CPNE9: variants seen among roughly 807,000 people sequenced by gnomAD.
The protein encoded by CPNE9 is copine-9.
A neutral mutation model predicts 83.0 loss-of-function variants in CPNE9; 59 were observed. The ratio of observed to expected loss-of-function variants is 0.71; its 90% confidence interval spans 0.58 to 0.88. The LOEUF is 0.88. Ranked by LOEUF, CPNE9 falls within the 40% of genes least tolerant of loss-of-function variation. The pLI is 0.00. For missense variants in CPNE9, 619 were observed against 720.8 expected, an observed-to-expected ratio of 0.86 and a Z score of 1.62; for synonymous variants, 256 against 273.4, an observed-to-expected ratio of 0.94 and a Z score of 0.63.
Position 9,712,428 on chromosome 3 carries a change from G to A in CPNE9, c.378-113G>A, listed in dbSNP as rs1229009810. 3 of 836,352 alleles carry A rather than the reference G, an allele frequency of 3.6e-6. No individual in the cohort carries two copies. In the East Asian group the frequency reaches 7.3e-5, roughly 20 times the overall value. 51.8% of individuals were successfully genotyped at this position (836,352 alleles called of 1,614,324 possible). A position where few individuals can be genotyped will look rare whatever the true frequency, so the allele number is the denominator to read the frequency against. On this transcript the variant is annotated intron_variant, in intron 7 of 20. Transcript: ENST00000383832. Reference sequence around the variant, plus strand: ...ACCAGAAGGCACTCAAGACACAAGGGACTGTCAGTAAATGGCAAACTGAAT... The same window carrying A: ...ACCAGAAGGCACTCAAGACACAAGGAACTGTCAGTAAATGGCAAACTGAAT...
Position 9,711,964 on chromosome 3 carries a change from C to T in CPNE9, c.378-577C>T, listed in dbSNP as rs149957823. Reference sequence around the variant, plus strand: ...TTCAGTATCACTACAATCCACTCTACTTACCTATTGGCATTGACATTCCAC... The same window carrying T: ...TTCAGTATCACTACAATCCACTCTATTTACCTATTGGCATTGACATTCCAC... On this transcript the variant is annotated intron_variant, in intron 7 of 20. Coordinates refer to ENST00000383832, the MANE Select transcript of CPNE9 (RefSeq NM_153635.3). Among the ~76,000 whole-genome samples the T allele has an allele frequency of 1.7e-3, 263 of 152,308 alleles. 2 individuals are homozygous for T. Among genetic ancestry groups the T allele is most frequent in the African/African-American group, 6.1e-3 (255 of 41,562 alleles).
At chr3:9,705,373 C>T (rs1255425566) in intron 4 of CPNE9, 91 bp from the exon 5 acceptor site, 1 of 1,043,328 alleles carries the variant, frequency 9.6e-7, no homozygotes, top group African/African-American at 1.6e-5. Context: ...CATCCCTCCA[C>T]CCAAAATTTT....
At chr3:9,709,989 CAAA>C (rs542047036) in intron 7 of CPNE9, among the ~76,000 whole-genome samples, 2 of 57,266 alleles carry the variant, frequency 3.5e-5, no homozygotes, top group Non-Finnish European at 3.5e-5. Context: ...GACTCCATCT[CAAA>C]AAAAAAAAAA....
intron 10 of CPNE9, among the ~76,000 whole-genome samples, chr3:9,714,539 A>G (rs2076660167): frequency 6.6e-6 from 1 of 151,688 alleles, no homozygotes; most frequent in Non-Finnish European, 1.5e-5. Context: ...CAAAATAATA[A>G]TAATAGTAAT....
chr3:9,728,077 G>A (rs2076799664), intron 20 of CPNE9, among the ~76,000 whole-genome samples: 1 of 152,236 alleles, frequency 6.6e-6, no homozygotes, highest in East Asian at 1.9e-4. Flanking sequence ...TAGAGGAGGA[G>A]ATTTGGCAGA....
At chr3:9,726,812 C>T (rs2076788875) in intron 19 of CPNE9, 90 bp downstream of exon 19, 1 of 1,176,006 alleles carries the variant, frequency 8.5e-7, no homozygotes, top group African/African-American at 1.5e-5. Flanking sequence ...TCACAGATGA[C>T]ACAAGGTAGA....
intron 19 of CPNE9, 104 bp from the exon 20 acceptor site, chr3:9,727,009 A>G (rs2076790508): frequency 1.7e-6 from 2 of 1,169,610 alleles, no homozygotes; most frequent in African/African-American, 1.5e-5. Flanking sequence ...GATCACAAGC[A>G]TTAGGCATTC....
At chr3:9,715,408 C>T in intron 12 of CPNE9, 44 bp downstream of exon 12, 2 of 1,611,988 alleles carry the variant, frequency 1.2e-6, no homozygotes, top group South Asian at 1.1e-5. Flanking sequence ...CCCTCCATCC[C>T]AGTGTGCTCA....
chr3:9,718,487 G>T lies in CPNE9; in HGVS notation c.1126G>T (p.Glu376Ter). The T allele has an allele frequency of 6.2e-7, 1 of 1,612,974 alleles. No individual in the cohort carries two copies. Among genetic ancestry groups the T allele is most frequent in the Non-Finnish European group, 8.5e-7 (1 of 1,179,674 alleles). Residue 376 changes from glutamate (E) to a stop codon, truncating the protein, a stop_gained, in exon 17 of 21, where the codon GAG becomes TAG. Coordinates refer to ENST00000383832, the MANE Select transcript of CPNE9 (RefSeq NM_153635.3). LOFTEE classifies it high-confidence loss of function. ...TATTCTTTGACAGAACAACAATGATGAGGACCCCAACTGTGCGGGCATCGA... is the reference window on the plus strand; with the variant it reads ...TATTCTTTGACAGAACAACAATGATTAGGACCCCAACTGTGCGGGCATCGA... ...SHQFPLNNND[E>*]DPNCAGIEGV...
intron 20 of CPNE9, among the ~76,000 whole-genome samples, chr3:9,728,893 C>A (rs949628618): frequency 6.6e-6 from 1 of 152,148 alleles, no homozygotes; most frequent in African/African-American, 2.4e-5. Flanking sequence ...AGGATCCCTT[C>A]TCTCTGGTCC....
rs57310594 is a variant in CPNE9, at chr3:9,707,791, C to CAAA, written c.377+1743_377+1745dup. On this transcript the variant is annotated intron_variant, in intron 7 of 20. Coordinates refer to ENST00000383832, the MANE Select transcript of CPNE9 (RefSeq NM_153635.3). ...TGAGACTGTCTGTGGACAAAAAAGA[C>CAAA]AAAAAAAAAAAAAAAAACGTGAAGG... 3.3e-3 allele frequency among the ~76,000 whole-genome samples: 164 copies of CAAA among 49,668 alleles called. No homozygotes were observed. In the East Asian group the frequency reaches 0.037, roughly 11 times the overall value. The allele number at this position is 49,668 out of a possible 152,430, so 32.6% of individuals were successfully genotyped here. A position where few individuals can be genotyped will look rare whatever the true frequency, so the allele number is the denominator to read the frequency against.
intron 17 of CPNE9, among the ~76,000 whole-genome samples, chr3:9,720,512 A>C (rs2076725059): frequency 6.6e-6 from 1 of 152,164 alleles, no homozygotes; most frequent in Non-Finnish European, 1.5e-5. Context: ...TTTATTTTCT[A>C]ATTTGCAGTA....
intron 17 of CPNE9, among the ~76,000 whole-genome samples, chr3:9,723,895 G>T (rs535124060): frequency 6.6e-6 from 1 of 152,126 alleles, no homozygotes; most frequent in South Asian, 2.1e-4. Context: ...CTCACATTTT[G>T]AGATCAGGTT....
At chr3:9,726,587 C>A in intron 18 of CPNE9, 78 bp from the exon 19 acceptor site, 1 of 1,118,774 alleles carries the variant, frequency 8.9e-7, no homozygotes, top group Non-Finnish European at 1.4e-6. Flanking sequence ...GACACACATA[C>A]ACAGAGAACT....
At chr3:9,710,221 G>A (rs925857030) in intron 7 of CPNE9, among the ~76,000 whole-genome samples, 1 of 152,134 alleles carries the variant, frequency 6.6e-6, no homozygotes, top group Non-Finnish European at 1.5e-5. Flanking sequence ...AAAACTTGAT[G>A]TAATAAAAAG....
At chr3:9,725,628 ATG>A in intron 17 of CPNE9, among the ~76,000 whole-genome samples, 1 of 129,260 alleles carries the variant, frequency 7.7e-6, no homozygotes, top group Admixed American at 8.0e-5. Context: ...GTGTATATAT[ATG>A]TATATACATG....
Position 9,705,723 on chromosome 3 carries a change from G to T in CPNE9, c.300+3G>T, listed in dbSNP as rs754866144. ...GCCACTGCTGGGACCTGCAGAAGGT[G>T]AGGCTGAATGGGGCTGGGCAGAGGT... On this transcript the variant is annotated splice_donor_region_variant and intron_variant, in intron 6 of 20. Coordinates refer to ENST00000383832, the MANE Select transcript of CPNE9 (RefSeq NM_153635.3). 6.2e-7 allele frequency: 1 copy of T among 1,613,826 alleles called. No homozygotes were observed. Among genetic ancestry groups the T allele is most frequent in the African/African-American group, 1.3e-5 (1 of 74,916 alleles).
At chr3:9,720,575 A>G (rs2076725625) in intron 17 of CPNE9, among the ~76,000 whole-genome samples, 1 of 152,266 alleles carries the variant, frequency 6.6e-6, no homozygotes, top group Admixed American at 6.5e-5. Context: ...AGAGAAATGA[A>G]GAAATCACCC....
At chr3:9,725,330 T>TCAC (rs2076767740) in intron 17 of CPNE9, among the ~76,000 whole-genome samples, 1 of 149,696 alleles carries the variant, frequency 6.7e-6, no homozygotes, top group Non-Finnish European at 1.5e-5. Flanking sequence ...AGGTCAGGAG[T>TCAC]TTGAGACCAG....
Sources: allele counts gnomAD v4.1 joint callset (sites outside exome capture counted in the v4.1 genomes callset), GRCh38; gene constraint gnomAD v4.1.1; transcripts MANE v1.5; gene names NCBI Gene and HGNC (gene_info 2026-07-23, HGNC 2026-07-21).